Variants in ARHGAP22 observed in about 807,000 individuals in gnomAD.
ARHGAP22 encodes the protein rho GTPase-activating protein 22.
In ARHGAP22, 48 loss-of-function variants were observed where a neutral mutation model predicts 59.1. That is an observed-to-expected ratio of 0.81 (90% CI 0.64 to 1.03). The LOEUF (loss-of-function observed/expected upper bound fraction) is 1.03. Ranked by LOEUF, ARHGAP22 falls within the 50% of genes least tolerant of loss-of-function variation. The pLI, the probability that ARHGAP22 is intolerant of heterozygous loss-of-function variation, is 0.00. For synonymous variants in ARHGAP22, 445 were observed against 416.4 expected (o/e 1.07, Z -0.84); for missense variants, 1,015 against 958.7 (o/e 1.06, Z -0.78).
At chr10:48,469,366 CAG>C (rs2048016940) in intron 4 of ARHGAP22, among the ~76,000 whole-genome samples, 1 of 152,236 alleles carries the variant, frequency 6.6e-6, no homozygotes. Flanking sequence ...ACTGCCTTCT[CAG>C]GGCAGGGCTG....
intron 2 of ARHGAP22, among the ~76,000 whole-genome samples, chr10:48,558,686 G>GTT (rs2057482470): frequency 1.3e-5 from 2 of 152,094 alleles, no homozygotes; most frequent in Admixed American, 1.3e-4. Context: ...TTCTAATAAT[G>GTT]TAAGTGTTCA....
At chr10:48,508,157 C>G (rs895055724) in intron 3 of ARHGAP22, among the ~76,000 whole-genome samples, 2 of 152,192 alleles carry the variant, frequency 1.3e-5, no homozygotes, top group Non-Finnish European at 2.9e-5. Flanking sequence ...CCAAAACCAC[C>G]TGTGGGACTT....
At chr10:48,493,507 G>A in intron 3 of ARHGAP22, 1 of 1,535,508 alleles carries the variant, frequency 6.5e-7, no homozygotes, top group Non-Finnish European at 8.7e-7. Flanking sequence ...GAGCAGCGGG[G>A]GCTGCAGTGA....
At chr10:48,624,865 T>A (rs1451003117) in intron 1 of ARHGAP22, 1 of 152,258 alleles carries the variant, frequency 6.6e-6, no homozygotes, top group Admixed American at 6.5e-5. Context: ...CTGAAAATCA[T>A]GGTGATCCTC....
chr10:48,457,533 G>A (rs950228802), intron 5 of ARHGAP22, among the ~76,000 whole-genome samples: 5 of 152,214 alleles, frequency 3.3e-5, no homozygotes, highest in African/African-American at 2.4e-5. Flanking sequence ...GCAGCTGAGG[G>A]AGTAAGGAGA....
chr10:48,627,554 G>C (rs2061494101), intron 1 of ARHGAP22, among the ~76,000 whole-genome samples: 2 of 152,362 alleles, frequency 1.3e-5, no homozygotes, highest in South Asian at 4.1e-4. Flanking sequence ...TCCCATCTGG[G>C]CTAGCAGCCA....
chr10:48,646,706 G>A (rs142389104), intron 1 of ARHGAP22, among the ~76,000 whole-genome samples: 1 of 152,154 alleles, frequency 6.6e-6, no homozygotes, highest in Non-Finnish European at 1.5e-5. Flanking sequence ...CCCTTTGACT[G>A]TACCTCATAC....
chr10:48,479,970 T>C (rs2049137497), intron 3 of ARHGAP22, among the ~76,000 whole-genome samples: 1 of 152,222 alleles, frequency 6.6e-6, no homozygotes, highest in African/African-American at 2.4e-5. Flanking sequence ...TTTTTTCCCT[T>C]CGTCTCACTT....
chr10:48,518,579 G>A (rs1485753709), intron 3 of ARHGAP22, among the ~76,000 whole-genome samples: 1 of 152,248 alleles, frequency 6.6e-6, no homozygotes, highest in Non-Finnish European at 1.5e-5. Flanking sequence ...GGCCACGTGT[G>A]AGAGGAGGAT....
At chr10:48,518,177 C>T (rs2053475359) in intron 3 of ARHGAP22, among the ~76,000 whole-genome samples, 2 of 152,128 alleles carry the variant, frequency 1.3e-5, no homozygotes, top group East Asian at 1.9e-4. Flanking sequence ...GAGCAAGGCC[C>T]GCAGGACGGC....
At chr10:48,647,607 G>A (rs986808009) in intron 1 of ARHGAP22, among the ~76,000 whole-genome samples, 1 of 152,252 alleles carries the variant, frequency 6.6e-6, no homozygotes, top group Non-Finnish European at 1.5e-5. Context: ...ATTGTATGAC[G>A]GTGGGAATGT....
intron 4 of ARHGAP22, among the ~76,000 whole-genome samples, chr10:48,476,149 C>T (rs2048713046): frequency 6.6e-6 from 1 of 152,224 alleles, no homozygotes; most frequent in Non-Finnish European, 1.5e-5. Context: ...AGTGCCTGTC[C>T]CTCCAGCTCG....
At chr10:48,584,731 A>G (rs1348907854) in intron 1 of ARHGAP22, among the ~76,000 whole-genome samples, 1 of 152,238 alleles carries the variant, frequency 6.6e-6, no homozygotes, top group East Asian at 1.9e-4. Flanking sequence ...GCGGTGGCTC[A>G]CGCCTGTAAT....
chr10:48,532,836 C>T (rs1050990350), intron 3 of ARHGAP22: 1 of 152,114 alleles, frequency 6.6e-6, no homozygotes, highest in Non-Finnish European at 1.5e-5. Context: ...TTTATGGCTG[C>T]ATAGTATTCC....
intron 1 of ARHGAP22, among the ~76,000 whole-genome samples, chr10:48,610,544 G>A (rs1411933225): frequency 6.6e-6 from 1 of 152,204 alleles, no homozygotes; most frequent in Non-Finnish European, 1.5e-5. Flanking sequence ...CTTTGCAACA[G>A]TTAAGTCAGA....
At chr10:48,469,737 C>T (rs1001800051) in intron 4 of ARHGAP22, among the ~76,000 whole-genome samples, 6 of 152,210 alleles carry the variant, frequency 3.9e-5, no homozygotes, top group African/African-American at 1.4e-4. Context: ...CTGGCAAGGG[C>T]AGCCCATAGC....
At chr10:48,640,444 T>C (rs1157886188) in intron 1 of ARHGAP22, among the ~76,000 whole-genome samples, 1 of 152,132 alleles carries the variant, frequency 6.6e-6, no homozygotes, top group African/African-American at 2.4e-5. Context: ...AGACAAACTC[T>C]TGAAAGTCAA....
At chr10:48,603,055 T>C (rs1432535808) in intron 1 of ARHGAP22, among the ~76,000 whole-genome samples, 1 of 152,182 alleles carries the variant, frequency 6.6e-6, no homozygotes, top group Non-Finnish European at 1.5e-5. Context: ...GGAAGCCTCA[T>C]GGAACACTGA....
At chr10:48,500,604 A>G (rs1455972214) in intron 3 of ARHGAP22, among the ~76,000 whole-genome samples, 1 of 152,106 alleles carries the variant, frequency 6.6e-6, no homozygotes, top group Non-Finnish European at 1.5e-5. Flanking sequence ...ATCAAAGATT[A>G]AGGCCAGGCG....
Sources: allele counts gnomAD v4.1 joint callset (sites outside exome capture counted in the v4.1 genomes callset), GRCh38; gene constraint gnomAD v4.1.1; transcripts MANE v1.5; gene names NCBI Gene and HGNC (gene_info 2026-07-23, HGNC 2026-07-21).